Variants in BLOC1S5 observed in about 807,000 individuals in gnomAD.
BLOC1S5 encodes biogenesis of lysosomal organelles complex 1 subunit 5, also known as biogenesis of lysosome-related organelles complex 1 subunit 5.
Under a neutral mutation model 24.3 loss-of-function variants are expected in BLOC1S5, and 27 were observed. The ratio of observed to expected loss-of-function variants is 1.11; its 90% CI spans 0.82 to 1.53. The LOEUF (loss-of-function observed/expected upper bound fraction) is 1.53, where lower values mean the gene tolerates loss of function less well. Among genes scored for constraint, BLOC1S5 ranks in the 40% most tolerant of loss-of-function variants. BLOC1S5 has a pLI of 0.00. For synonymous variants in BLOC1S5, 84 were observed against 74.5 expected, an observed-to-expected ratio of 1.13 and a Z score of -0.66; for missense variants, 239 against 229.4, an observed-to-expected ratio of 1.04 and a Z score of -0.27.
chr6:8,038,021 A>C (rs1415184761), intron 3 of BLOC1S5, among the ~76,000 whole-genome samples: 1 of 152,168 alleles, frequency 6.6e-6, no homozygotes, highest in Non-Finnish European at 1.5e-5. Context: ...TTAAAGACTT[A>C]AATCTAAGAC....
At chr6:8,031,169 G>A (rs1005400988) in intron 3 of BLOC1S5, among the ~76,000 whole-genome samples, 8 of 152,168 alleles carry the variant, frequency 5.3e-5, no homozygotes, top group Non-Finnish European at 1.0e-4. Flanking sequence ...CATCCAAATC[G>A]GTAAAGAGGA....
At chr6:8,044,990 A>G (rs1320603665) in intron 2 of BLOC1S5, among the ~76,000 whole-genome samples, 2 of 152,228 alleles carry the variant, frequency 1.3e-5, no homozygotes, top group East Asian at 1.9e-4. Context: ...AGTAACAAGG[A>G]GCCAAATGTC....
At position 8,059,196 on chromosome 6, in the gene BLOC1S5, C is replaced by T. The variant is rs139885443; in HGVS notation, c.195+3338G>A. ...GGTGAGATCCTTATGAATCTCTGTC[C>T]ATAATGTTCATTGGAATCAAGGGAA... On this transcript the variant is annotated intron_variant, in intron 2 of 4. Transcript: ENST00000397457. Among the ~76,000 whole-genome samples the T allele has an allele frequency of 3.4e-3, 510 of 152,222 alleles. 3 individuals carry two copies. Among genetic ancestry groups the T allele is most frequent in the Middle Eastern group, 6.8e-3 (2 of 294 alleles).
intron 3 of BLOC1S5, among the ~76,000 whole-genome samples, chr6:8,035,101 C>G (rs1763441037): frequency 6.6e-6 from 1 of 151,902 alleles, no homozygotes; most frequent in Non-Finnish European, 1.5e-5. Flanking sequence ...AATAGAAAAC[C>G]AAACGTCGTT....
At chr6:8,054,227 C>T (rs747390905) in intron 2 of BLOC1S5, 9 of 443,328 alleles carry the variant, frequency 2.0e-5, no homozygotes, top group Non-Finnish European at 4.0e-5. Flanking sequence ...TTAATATTTA[C>T]AAGGCAATCA....
At chr6:8,050,441 C>T (rs527718019) in intron 2 of BLOC1S5, among the ~76,000 whole-genome samples, 1 of 152,088 alleles carries the variant, frequency 6.6e-6, no homozygotes, top group African/African-American at 2.4e-5. Flanking sequence ...CCCCACATGG[C>T]CTCTAAGTGT....
rs1561850962 is a variant in BLOC1S5 at position 8,015,090 on chromosome 6, G to A, written c.*559C>T. 1 of 152,568 alleles carries A rather than the reference G, an allele frequency of 6.6e-6. No individual in the cohort carries two copies. Among genetic ancestry groups the A allele is most frequent in the Non-Finnish European group, 1.5e-5 (1 of 68,106 alleles). 9.5% of individuals were successfully genotyped at this position (152,568 alleles called of 1,614,324 possible). Reference sequence around the variant, plus strand: ...TTCCCAAGAGGCAGCTCAAACACCAGCGTGGCCATCTTTGCCACAGCAGAG... The same window carrying A: ...TTCCCAAGAGGCAGCTCAAACACCAACGTGGCCATCTTTGCCACAGCAGAG... On this transcript the variant is annotated 3_prime_UTR_variant, in exon 5 of 5. Coordinates refer to ENST00000397457, the MANE Select transcript of BLOC1S5 (RefSeq NM_201280.3).
chr6:8,033,042 G>T (rs369019970), intron 3 of BLOC1S5, among the ~76,000 whole-genome samples: 1 of 152,094 alleles, frequency 6.6e-6, no homozygotes, highest in African/African-American at 2.4e-5. Context: ...CGTGAAAATG[G>T]CCATACTGCC....
intron 3 of BLOC1S5, 59 bp downstream of exon 3, chr6:8,041,080 C>T: frequency 5.9e-6 from 9 of 1,524,892 alleles, no homozygotes; most frequent in Non-Finnish European, 8.0e-6. Context: ...CAAGAAAATA[C>T]ATTTTGGTGT....
intron 3 of BLOC1S5, among the ~76,000 whole-genome samples, chr6:8,027,629 T>G (rs893848974): frequency 6.6e-6 from 1 of 151,732 alleles, no homozygotes; most frequent in African/African-American, 2.4e-5. Context: ...AAGTCAGGAG[T>G]TCGAGACTAG....
chr6:8,048,662 T>A (rs896198211), intron 2 of BLOC1S5, among the ~76,000 whole-genome samples: 1 of 152,198 alleles, frequency 6.6e-6, no homozygotes, highest in African/African-American at 2.4e-5. Flanking sequence ...TTTAACTTTT[T>A]CTTTTGAAGG....
chr6:8,024,301 G>A (rs1373842106), intron 4 of BLOC1S5, among the ~76,000 whole-genome samples: 1 of 151,872 alleles, frequency 6.6e-6, no homozygotes, highest in Non-Finnish European at 1.5e-5. Flanking sequence ...CGAGGCGGGT[G>A]GATCATCCGA....
At position 8,046,328 on chromosome 6, in the gene BLOC1S5, A is replaced by G. The variant is rs150068119; in HGVS notation, c.196-5060T>C. Among the ~76,000 whole-genome samples, 435 of 152,240 alleles carry G rather than the reference A, an allele frequency of 2.9e-3. 2 individuals carry two copies. Among genetic ancestry groups the G allele is most frequent in the African/African-American group, 8.6e-3 (358 of 41,522 alleles). On this transcript the variant is annotated intron_variant, in intron 2 of 4. Transcript: ENST00000397457. Reference sequence around the variant, plus strand: ...CCAATTACACCTCTTTTTCTTCCCAATCTTGGGTATGCCTTTATAAGCAGC... The same window carrying G: ...CCAATTACACCTCTTTTTCTTCCCAGTCTTGGGTATGCCTTTATAAGCAGC...
intron 2 of BLOC1S5, among the ~76,000 whole-genome samples, chr6:8,053,060 T>C (rs1764178922): frequency 6.6e-6 from 1 of 152,146 alleles, no homozygotes; most frequent in Non-Finnish European, 1.5e-5. Context: ...AACCCTACAA[T>C]GGCCTCTACG....
chr6:8,035,527 T>TTAAA (rs1763457535), intron 3 of BLOC1S5, among the ~76,000 whole-genome samples: 1 of 151,998 alleles, frequency 6.6e-6, no homozygotes, highest in Non-Finnish European at 1.5e-5. Context: ...GTCTTACATT[T>TTAAA]CCACGCAACC....
intron 2 of BLOC1S5, among the ~76,000 whole-genome samples, chr6:8,050,632 T>A (rs1764076910): frequency 1.3e-5 from 2 of 149,942 alleles, no homozygotes; most frequent in South Asian, 4.2e-4. Flanking sequence ...AGACAGAGTC[T>A]CACTCTGTCA....
At chr6:8,037,768 A>T (rs1207690419) in intron 3 of BLOC1S5, among the ~76,000 whole-genome samples, 4 of 152,240 alleles carry the variant, frequency 2.6e-5, no homozygotes, top group African/African-American at 9.6e-5. Flanking sequence ...TGATACCAGC[A>T]TAAAAACACA....
chr6:8,019,512 G>A (rs1372888370), intron 4 of BLOC1S5, among the ~76,000 whole-genome samples: 8 of 146,768 alleles, frequency 5.5e-5, no homozygotes, highest in African/African-American at 9.9e-5. Context: ...CAGGTGATCC[G>A]CCCACCTCCG....
rs1313119807 is a variant in BLOC1S5, at chr6:8,013,929, T to C, written c.*1720A>G. 2 of 152,194 alleles carry C rather than the reference T, an allele frequency of 1.3e-5. No individual in the cohort carries two copies. The highest frequency in any genetic ancestry group is 2.9e-5 in the Non-Finnish European group (2 of 68,038). 9.4% of individuals were successfully genotyped at this position (152,194 alleles called of 1,614,324 possible). Reference sequence around the variant, plus strand: ...AGCCTGTCAAGCCTACAGTAGCGGATAGAGAAAGTTGGCAGAAGTTCAGTG... The same window carrying C: ...AGCCTGTCAAGCCTACAGTAGCGGACAGAGAAAGTTGGCAGAAGTTCAGTG... On this transcript the variant is annotated 3_prime_UTR_variant, in exon 5 of 5. Coordinates refer to ENST00000397457, the MANE Select transcript of BLOC1S5 (RefSeq NM_201280.3).
Sources: gnomAD v4.1 joint callset for allele counts (sites outside exome capture counted in the v4.1 genomes callset) on GRCh38, gnomAD v4.1.1 for gene constraint, MANE v1.5 for transcripts, NCBI Gene and HGNC (gene_info 2026-07-23, HGNC 2026-07-21) for gene names.